RAPGEF4: variants seen among roughly 807,000 people sequenced by gnomAD.
RAPGEF4 encodes the protein Rap guanine nucleotide exchange factor 4.
A neutral mutation model predicts 147.9 loss-of-function variants in RAPGEF4; 66 were observed. The observed-to-expected ratio is 0.45, with a 90% CI of 0.37 to 0.55. The LOEUF is 0.55. Ranked by LOEUF, RAPGEF4 falls within the 20% of genes least tolerant of loss-of-function variation. The pLI, the probability that RAPGEF4 is intolerant of heterozygous loss-of-function variation, is 0.00. For synonymous variants in RAPGEF4, 419 were observed against 442.7 expected (o/e 0.95, Z 0.67); for missense variants, 1,071 against 1,257.3 (o/e 0.85, Z 2.24).
intron 4 of RAPGEF4, chr2:172,822,047 A>G (rs2149632770): frequency 1.3e-6 from 2 of 1,565,814 alleles, no homozygotes; most frequent in Non-Finnish European, 1.8e-6. Context: ...TACTGTTTGC[A>G]TTTTGGAATT....
intron 4 of RAPGEF4, among the ~76,000 whole-genome samples, chr2:172,857,165 T>C (rs1693507028): frequency 7.8e-6 from 1 of 127,454 alleles, no homozygotes; most frequent in African/African-American, 2.7e-5. Context: ...AATACGCGCG[T>C]GTGCGCGCGC....
intron 17 of RAPGEF4, among the ~76,000 whole-genome samples, chr2:173,013,842 G>A (rs1695253405): frequency 6.6e-6 from 1 of 152,222 alleles, no homozygotes; most frequent in South Asian, 2.1e-4. Context: ...TTCTACACAA[G>A]AGAAGAAGAT....
intron 6 of RAPGEF4, among the ~76,000 whole-genome samples, chr2:172,936,830 A>G (rs915978711): frequency 6.6e-6 from 1 of 152,016 alleles, no homozygotes; most frequent in African/African-American, 2.4e-5. Flanking sequence ...CTCATCTGAG[A>G]GAATCTTTAA....
Position 172,817,559 on chromosome 2 carries a change from A to G in RAPGEF4, c.444+3134A>G, listed in dbSNP as rs150400599. On this transcript the variant is annotated intron_variant, in intron 4 of 30. Coordinates refer to ENST00000397081, the MANE Select transcript of RAPGEF4 (RefSeq NM_007023.4). ...TCAAAAGGGAAGAACTATACGGGGAACAATTATGTATTCAGGATTCAGGCC... is the reference window on the plus strand; with the variant it reads ...TCAAAAGGGAAGAACTATACGGGGAGCAATTATGTATTCAGGATTCAGGCC... Among the ~76,000 whole-genome samples, 4 of 152,308 alleles carry G rather than the reference A, an allele frequency of 2.6e-5. No individual in the cohort carries two copies. The East Asian group carries it at 7.7e-4, about 29-fold the overall frequency.
At chr2:173,004,085 T>G (rs1694210020) in intron 17 of RAPGEF4, among the ~76,000 whole-genome samples, 1 of 152,192 alleles carries the variant, frequency 6.6e-6, no homozygotes, top group Admixed American at 6.5e-5. Flanking sequence ...CAGAGAAAGG[T>G]AATTACTAGC....
intron 12 of RAPGEF4, 90 bp downstream of exon 12, chr2:172,985,583 C>G (rs938465183): frequency 6.4e-7 from 1 of 1,558,532 alleles, no homozygotes; most frequent in East Asian, 2.3e-5. Flanking sequence ...CGCCTCACTT[C>G]TTGGCCCCGG....
intron 1 of RAPGEF4, among the ~76,000 whole-genome samples, chr2:172,786,445 T>C (rs1335584220): frequency 6.6e-6 from 1 of 152,204 alleles, no homozygotes; most frequent in Non-Finnish European, 1.5e-5. Flanking sequence ...TAAAGCAGTA[T>C]AGTTTACTGA....
chr2:172,939,248 C>T (rs1175559518), intron 6 of RAPGEF4, among the ~76,000 whole-genome samples: 1 of 152,136 alleles, frequency 6.6e-6, no homozygotes, highest in Non-Finnish European at 1.5e-5. Flanking sequence ...AACTGTCTTC[C>T]AAAGTGGTTG....
At chr2:172,746,950 A>G (rs1371356547) in intron 1 of RAPGEF4, among the ~76,000 whole-genome samples, 7 of 151,772 alleles carry the variant, frequency 4.6e-5, no homozygotes, top group Non-Finnish European at 8.8e-5. Flanking sequence ...AGTTCAAGAA[A>G]CCCCCCCTTA....
intron 18 of RAPGEF4, among the ~76,000 whole-genome samples, chr2:173,015,502 G>A (rs1695425740): frequency 6.6e-6 from 1 of 152,188 alleles, no homozygotes; most frequent in Non-Finnish European, 1.5e-5. Flanking sequence ...ACAGCCAGAG[G>A]TGCGAGGCAG....
At chr2:172,905,075 C>T (rs946522040) in intron 4 of RAPGEF4, among the ~76,000 whole-genome samples, 3 of 152,028 alleles carry the variant, frequency 2.0e-5, no homozygotes, top group Non-Finnish European at 2.9e-5. Context: ...CCTTAACACT[C>T]GACCTGCTCC....
intron 26 of RAPGEF4, among the ~76,000 whole-genome samples, chr2:173,032,864 G>C (rs887732713): frequency 2.0e-5 from 3 of 152,208 alleles, no homozygotes; most frequent in African/African-American, 7.2e-5. Flanking sequence ...GTTGAAGGTA[G>C]GCTTCACTGT....
intron 4 of RAPGEF4, among the ~76,000 whole-genome samples, chr2:172,829,254 GT>G (rs1009123601): frequency 5.7e-4 from 87 of 152,368 alleles, no homozygotes; most frequent in African/African-American, 2.0e-3. Flanking sequence ...TTCAGCAGGA[GT>G]TCTGCTGATA....
intron 6 of RAPGEF4, among the ~76,000 whole-genome samples, chr2:172,944,100 T>C (rs1687437257): frequency 6.6e-6 from 1 of 152,206 alleles, no homozygotes; most frequent in African/African-American, 2.4e-5. Context: ...TTTTCCTCAC[T>C]TCTAGCCAAA....
intron 9 of RAPGEF4, 124 bp from the exon 10 acceptor site, chr2:172,967,137 G>A (rs1381637916): frequency 1.1e-5 from 10 of 922,398 alleles, no homozygotes; most frequent in African/African-American, 8.3e-5. Flanking sequence ...AGTGAGAAGG[G>A]CGAGGAGGCT....
intron 4 of RAPGEF4, among the ~76,000 whole-genome samples, chr2:172,906,354 C>T (rs1300894160): frequency 6.6e-6 from 1 of 152,190 alleles, no homozygotes; most frequent in Non-Finnish European, 1.5e-5. Context: ...TTCCCCAATC[C>T]TGGACGCTGC....
chr2:172,738,116 G>A (rs1693979503), intron 1 of RAPGEF4, among the ~76,000 whole-genome samples: 3 of 152,186 alleles, frequency 2.0e-5, no homozygotes, highest in Admixed American at 1.3e-4. Context: ...TTTTTTTTAG[G>A]AAAGGAGAAA....
At chr2:172,796,524 G>A (rs1045091820) in intron 2 of RAPGEF4, among the ~76,000 whole-genome samples, 1 of 152,114 alleles carries the variant, frequency 6.6e-6, no homozygotes, top group Non-Finnish European at 1.5e-5. Context: ...GGCCGAGGTT[G>A]CAGTGAACCG....
At chr2:172,936,719 T>C (rs1018788127) in intron 6 of RAPGEF4, among the ~76,000 whole-genome samples, 8 of 152,128 alleles carry the variant, frequency 5.3e-5, no homozygotes, top group African/African-American at 1.9e-4. Flanking sequence ...TCGTTCCTGA[T>C]GTTCCTAGTT....
Sources: allele counts gnomAD v4.1 joint callset (sites outside exome capture counted in the v4.1 genomes callset), GRCh38; gene constraint gnomAD v4.1.1; transcripts MANE v1.5; gene names NCBI Gene and HGNC (gene_info 2026-07-23, HGNC 2026-07-21).